GPN1: variants seen among roughly 807,000 people sequenced by gnomAD.
GPN1 encodes the protein GPN-loop GTPase 1.
Under a neutral mutation model 55.9 loss-of-function variants are expected in GPN1, and 44 were observed. The observed-to-expected ratio is 0.79, with a 90% CI of 0.62 to 1.01. The LOEUF is 1.01. Among genes scored for constraint, GPN1 ranks in the 50% least tolerant of loss-of-function variants. The probability of loss-of-function intolerance (pLI) is 0.00; values close to 1 mark genes in which losing one functional copy is unlikely to be tolerated. For synonymous variants in GPN1, 179 were observed against 162.5 expected (o/e 1.10, Z -0.77); for missense variants, 466 against 462.8 (o/e 1.01, Z -0.06).
At chr2:27,648,088 T>C in intron 13 of GPN1, 145 bp downstream of exon 13, 1 of 621,076 alleles carries the variant, frequency 1.6e-6, no homozygotes, top group Non-Finnish European at 2.9e-6. Flanking sequence ...ATATTGAGAG[T>C]TCCTGTCCTG....
chr2:27,642,440 G>A lies in GPN1; in HGVS notation c.852G>A (p.Glu284=), dbSNP rs1472437535. The change falls in exon 12 of 14, where the codon GAG becomes GAA. Residue 284 remains glutamate (E), a synonymous_variant. Transcript: ENST00000610189. The part of the protein sequence containing the change: ...ERLKKSLANA[E]SQQQREQLER... Reference sequence around the variant, plus strand: ...CTCTGTATATACAGGCCAACGCAGAGAGCCAACAGCAGAGAGAACAACTGG... The same window carrying A: ...CTCTGTATATACAGGCCAACGCAGAAAGCCAACAGCAGAGAGAACAACTGG... 6.2e-7 allele frequency: 1 copy of A among 1,611,696 alleles called. No homozygotes were observed. The highest frequency in any genetic ancestry group is 2.2e-5 in the East Asian group (1 of 44,876).
intron 7 of GPN1, among the ~76,000 whole-genome samples, chr2:27,635,981 G>A (rs187736651): frequency 1.1e-3 from 175 of 152,256 alleles, no homozygotes; most frequent in African/African-American, 3.8e-3. Flanking sequence ...TGGGGAGGCT[G>A]TGGTGGGAGG....
In GPN1 at chr2:27,650,173, A is replaced by C; in HGVS notation, c.1098A>C (p.Ala366=). ...AGAATTTTATGCAAGAATCGATGGC[A>C]CAATACTGGAAGAGAAACAATAAAT... The part of the protein sequence containing the change: ...AFQNFMQESM[A]QYWKRNNK Residue 366 remains alanine (A), a synonymous_variant, in exon 14 of 14, where the codon GCA becomes GCC. Coordinates refer to ENST00000610189, the MANE Select transcript of GPN1 (RefSeq NM_007266.4). 1 of 1,601,622 alleles carries C rather than the reference A, an allele frequency of 6.2e-7. No individual in the cohort carries two copies. Among genetic ancestry groups the C allele is most frequent in the Non-Finnish European group, 8.6e-7 (1 of 1,168,718 alleles).
intron 7 of GPN1, among the ~76,000 whole-genome samples, chr2:27,636,121 T>C (rs1673723068): frequency 6.6e-6 from 1 of 151,454 alleles, no homozygotes; most frequent in Admixed American, 6.6e-5. Context: ...GAGGCAGAGG[T>C]GGAAGGATTG....
chr2:27,640,887 T>TAAAGCACATA (rs1372505401), intron 10 of GPN1, among the ~76,000 whole-genome samples: 1 of 152,234 alleles, frequency 6.6e-6, no homozygotes, highest in African/African-American at 2.4e-5. Context: ...GTTGTTCAAG[T>TAAAGCACATA]AAAGCACATA....
Position 27,634,928 on chromosome 2 carries a change from A to T in GPN1, c.429+4A>T, listed in dbSNP as rs745741590. 2 of 1,554,100 alleles carry T rather than the reference A, an allele frequency of 1.3e-6. No individual in the cohort carries two copies. The highest frequency in any genetic ancestry group is 1.8e-6 in the Non-Finnish European group (2 of 1,125,046). On this transcript the variant is annotated splice_donor_region_variant and intron_variant, in intron 6 of 13. Transcript: ENST00000610189. Reference sequence around the variant, plus strand: ...GACAATTATCACTGAAGCCCTTGTGAGTATTCTAGGACTTGCTACTGAGAG... The same window carrying T: ...GACAATTATCACTGAAGCCCTTGTGTGTATTCTAGGACTTGCTACTGAGAG...
Position 27,638,886 on chromosome 2 carries a change from C to T in GPN1, c.572C>T (p.Thr191Ile). 1 of 1,611,216 alleles carries T rather than the reference C, an allele frequency of 6.2e-7. No homozygotes were observed. Among genetic ancestry groups the T allele is most frequent in the Non-Finnish European group, 8.5e-7 (1 of 1,178,950 alleles). Residue 191 changes from threonine (T) to isoleucine (I), a missense_variant and splice_region_variant, in exon 9 of 14, where the codon ACT (threonine) becomes ATT (isoleucine). By Grantham distance (89) the Thr-to-Ile change is moderately conservative (BLOSUM62 -1). Transcript: ENST00000610189. ...KLPFIVVMNK[T>I]DIIDHSFAVE... Reference sequence around the variant, plus strand: ...ATAATTGACTTCTCTCTGGTACAGACTGACATCATTGACCACAGCTTTGCA... The same window carrying T: ...ATAATTGACTTCTCTCTGGTACAGATTGACATCATTGACCACAGCTTTGCA...
intron 5 of GPN1, 95 bp downstream of exon 5, chr2:27,632,765 T>C: frequency 1.2e-6 from 1 of 854,658 alleles, no homozygotes; most frequent in South Asian, 1.5e-5. Flanking sequence ...TCTGAAAGAA[T>C]ATAGATTGAG....
In GPN1 at chr2:27,631,801, A is replaced by G. The variant is rs374547051; in HGVS notation, c.246-33A>G. On this transcript the variant is annotated intron_variant, in intron 3 of 13. Coordinates refer to ENST00000610189, the MANE Select transcript of GPN1 (RefSeq NM_007266.4). ...AGGTATGAACTTTATAATCTAATCT[A>G]TAAGCGATTTCAGTCCTCAACTTGG... The G allele has an allele frequency of 2.4e-5, 31 of 1,279,340 alleles. No homozygotes were observed. In the African/African-American group the frequency reaches 3.3e-4, roughly 14 times the overall value. The allele number at this position is 1,279,340 out of a possible 1,614,324, so 79.2% of individuals were successfully genotyped here.
At chr2:27,630,409 T>C (rs1261003945) in intron 2 of GPN1, among the ~76,000 whole-genome samples, 5 of 148,918 alleles carry the variant, frequency 3.4e-5, no homozygotes, top group African/African-American at 1.2e-4. Flanking sequence ...TTTTTTTTTT[T>C]TTAGACAGAG....
chr2:27,631,677 C>T (rs1465275358), intron 3 of GPN1, 157 bp from the exon 4 acceptor site: 1 of 637,228 alleles, frequency 1.6e-6, no homozygotes, highest in Non-Finnish European at 2.8e-6. Flanking sequence ...ATGACTGTTT[C>T]CCTGTGTGGT....
In GPN1 at chr2:27,629,152, A is replaced by T; in HGVS notation, c.94A>T (p.Lys32Ter). Residue 32 changes from lysine to a stop codon, truncating the protein, a stop_gained, in exon 1 of 14, where the codon AAA (lysine) becomes TAA (stop). Transcript: ENST00000610189. LOFTEE classifies it high-confidence loss of function. ...LLVLGMAGSG[K>*]TTFVQRLTGH... ...GGTGTTGGGAATGGCGGGATCCGGG[A>T]AAACCACTTTTGTACAGGTGACGTA... 1 of 1,614,188 alleles carries T rather than the reference A, an allele frequency of 6.2e-7. No individual in the cohort carries two copies. The highest frequency in any genetic ancestry group is 8.5e-7 in the Non-Finnish European group (1 of 1,180,026).
intron 1 of GPN1, 95 bp downstream of exon 1, chr2:27,629,264 G>T: frequency 1.5e-6 from 2 of 1,349,462 alleles, no homozygotes; most frequent in South Asian, 2.4e-5. Flanking sequence ...GGATTTGGAG[G>T]GTACCGGCGC....
chr2:27,633,843 T>C (rs528514833), intron 5 of GPN1, among the ~76,000 whole-genome samples: 2 of 152,086 alleles, frequency 1.3e-5, no homozygotes, highest in South Asian at 4.2e-4. Flanking sequence ...TAAAGTTCAC[T>C]CGTTTAAAGT....
chr2:27,635,277 G>A lies in GPN1; in HGVS notation c.524+43G>A. On this transcript the variant is annotated intron_variant, in intron 7 of 13. Transcript: ENST00000610189. ...GGGAAAGTGTTCCATCAAGGTATAA[G>A]GCCTTTTTCTCTTCTTCTTCCTCTT... 4 of 837,710 alleles carry A rather than the reference G, an allele frequency of 4.8e-6. No individual in the cohort carries two copies. In the South Asian group the frequency reaches 6.3e-5, roughly 13 times the overall value. The allele number at this position is 837,710 out of a possible 1,614,324, so 51.9% of individuals were successfully genotyped here.
chr2:27,630,255 C>A (rs886598596), intron 2 of GPN1, among the ~76,000 whole-genome samples: 2 of 152,164 alleles, frequency 1.3e-5, no homozygotes, highest in South Asian at 4.1e-4. Flanking sequence ...CCACTGCACT[C>A]CAGCCTGGTC....
rs773158228 is a variant in GPN1, at chr2:27,631,853, G to A, written c.265G>A (p.Gly89Ser). The A allele has an allele frequency of 1.2e-6, 2 of 1,602,184 alleles. No individual in the cohort carries two copies. The highest frequency in any genetic ancestry group is 2.7e-5 in the African/African-American group (2 of 74,688). Residue 89 changes from glycine (G) to serine (S), a missense_variant, in exon 4 of 14, where the codon GGC becomes AGC. By Grantham distance (56) the Gly-to-Ser change is moderately conservative. Transcript: ENST00000610189. Reference protein sequence around the residue: ...VMKQYGLGPNGGIVTSLNLFA... With the variant: ...VMKQYGLGPNSGIVTSLNLFA... ...GTCTAGATATGGACTTGGACCCAATGGCGGCATAGTGACCTCACTCAATCT... is the reference window on the plus strand; with the variant it reads ...GTCTAGATATGGACTTGGACCCAATAGCGGCATAGTGACCTCACTCAATCT...
chr2:27,642,952 TATATATACACACAC>T (rs1324166131), intron 12 of GPN1, among the ~76,000 whole-genome samples: 1 of 37,986 alleles, frequency 2.6e-5, no homozygotes, highest in African/African-American at 5.1e-5. Flanking sequence ...TTTATATATA[TATATATACACACAC>T]ACACACACAC....
chr2:27,628,774 C>A (rs1401035212), upstream of GPN1: 1 of 1,531,016 alleles, frequency 6.5e-7, no homozygotes, highest in African/African-American at 1.4e-5. Context: ...CTCTTCTGGC[C>A]TTCCTCCGGG....
Sources: allele counts gnomAD v4.1 joint callset (sites outside exome capture counted in the v4.1 genomes callset), GRCh38; gene constraint gnomAD v4.1.1; transcripts MANE v1.5; gene names NCBI Gene and HGNC (gene_info 2026-07-23, HGNC 2026-07-21).